The following RXRB variants were observed in gnomAD, a reference collection of about 807,000 sequenced individuals.
RXRB encodes retinoid X receptor beta.
RXRB carries 18 observed loss-of-function variants against 52.5 expected under a neutral mutation model. The ratio of observed to expected loss-of-function variants is 0.34; its 90% CI spans 0.24 to 0.51. The LOEUF (loss-of-function observed/expected upper bound fraction) is 0.51, where lower values mean the gene tolerates loss of function less well. Ranked by LOEUF, RXRB falls within the 20% of genes least tolerant of loss-of-function variation. The pLI, the probability that RXRB is intolerant of heterozygous loss-of-function variation, is 0.97. For missense variants in RXRB, 455 were observed against 698.2 expected (o/e 0.65, Z 3.92); for synonymous variants, 233 against 267.1 (o/e 0.87, Z 1.25).
chr6:33,200,319 ACCG>A lies in RXRB; in HGVS notation c.155_157del (p.Ala52del), dbSNP rs758231993. 5.4e-5 allele frequency: 86 copies of A among 1,586,410 alleles called. No homozygotes were observed. The highest frequency in any genetic ancestry group is 1.2e-4 in the Admixed American group (7 of 57,940). On this transcript the variant is annotated inframe_deletion, in exon 1 of 10. Transcript: ENST00000374680. This position sits in a 1 kb window ranked among gnomAD's most constrained non-coding sequence, Gnocchi z 6.3. ...CGGGGTTTGTTGTTCTCCGCCTGCC[ACCG>A]CCGCCGCCGCCGCCGCTGCGGGATC... is the stretch of plus-strand genomic sequence containing the variant.
rs759282711 is a variant in RXRB, at chr6:33,195,853, G to C, written c.1123+54C>G. 5 of 1,605,396 alleles carry C rather than the reference G, an allele frequency of 3.1e-6. No homozygotes were observed. Among genetic ancestry groups the C allele is most frequent in the Non-Finnish European group, 4.2e-6 (5 of 1,178,082 alleles). ...GGCCACTGGGGTCACTAAAGATCGG[G>C]AAGTCAAAGAGGGGTCAAATGTCAA... On this transcript the variant is annotated intron_variant, in intron 6 of 9. Coordinates refer to ENST00000374680, the MANE Select transcript of RXRB (RefSeq NM_021976.5). The surrounding 1 kb of genome is among the most constrained non-coding windows in gnomAD (Gnocchi z 8.6).
chr6:33,195,295 G>A lies in RXRB; in HGVS notation c.1348+68C>T. 5 of 997,020 alleles carry A rather than the reference G, an allele frequency of 5.0e-6. No homozygotes were observed. Among genetic ancestry groups the A allele is most frequent in the South Asian group, 2.6e-5 (2 of 78,262 alleles). 61.8% of individuals were successfully genotyped at this position (997,020 alleles called of 1,614,324 possible). The stretch of plus-strand genomic sequence containing the variant: ...TGAGGGGGATAGCTGGGTAACTTAG[G>A]AGTCTCGGAGAAGAGGAGGCTCCAA... On this transcript the variant is annotated intron_variant, in intron 8 of 9. Coordinates refer to ENST00000374680, the MANE Select transcript of RXRB (RefSeq NM_021976.5). The surrounding 1 kb of genome is among the most constrained non-coding windows in gnomAD (Gnocchi z 8.6).
chr6:33,198,210 T>A, intron 3 of RXRB, 98 bp downstream of exon 3: 1 of 1,550,388 alleles, frequency 6.4e-7, no homozygotes, highest in Non-Finnish European at 8.9e-7. Context: ...CTCCCCCAGG[T>A]CACTTGCTCT....
Position 33,198,357 on chromosome 6 carries a change from G to A in RXRB, c.591C>T (p.Gly197=). The change falls in exon 3 of 10, where the codon GGC becomes GGT. Residue 197 remains glycine, a synonymous_variant. Coordinates refer to ENST00000374680, the MANE Select transcript of RXRB (RefSeq NM_021976.5). ...RGLHCPPPPG[G]PGAGKRLCAI... is the part of the protein sequence containing the mutation. ...CACATAGCCGTTTGCCAGCCCCAGG[G>A]CCACCTGGAGGGGGTGGACAGTGCA... The A allele has an allele frequency of 6.2e-7, 1 of 1,613,058 alleles. No homozygotes were observed. The highest frequency in any genetic ancestry group is 1.7e-5 in the Admixed American group (1 of 60,030).
In RXRB at chr6:33,200,345, A is replaced by G. The variant is rs781605443; in HGVS notation, c.132T>C (p.Asp44=). 5.1e-6 allele frequency: 8 copies of G among 1,580,816 alleles called. No homozygotes were observed. Among genetic ancestry groups the G allele is most frequent in the Non-Finnish European group, 6.9e-6 (8 of 1,166,596 alleles). The change falls in exon 1 of 10, where the codon GAT becomes GAC. Residue 44 remains aspartate (D), a synonymous_variant. Transcript: ENST00000374680. The surrounding 1 kb of genome is among the most constrained non-coding windows in gnomAD (Gnocchi z 6.3). The stretch of plus-strand genomic sequence containing the variant: ...CCGCCGCCGCCGCCGCCGCTGCGGG[A>G]TCCAGCCAGGGCCGTCGCCGCCGCC... ...SRWRRRRPWL[D]PAAAAAAAVA...
intron 1 of RXRB, chr6:33,199,891 C>T (rs1426063148): frequency 6.1e-6 from 4 of 660,064 alleles, no homozygotes; most frequent in Admixed American, 3.6e-5. Context: ...CAGCGTAAAG[C>T]CAGGTAGCCA....
rs568576567 is a variant in RXRB at position 33,197,127 on chromosome 6, A to C, written c.821-521T>G. Reference sequence around the variant, plus strand: ...AAATCTTGTGCTCTTCTGACTCAACAAATAGGCAGTGAAAGGAGCACTGGC... The same window carrying C: ...AAATCTTGTGCTCTTCTGACTCAACCAATAGGCAGTGAAAGGAGCACTGGC... On this transcript the variant is annotated intron_variant, in intron 4 of 9. Transcript: ENST00000374680. The surrounding 1 kb of genome is among the most constrained non-coding windows in gnomAD (Gnocchi z 4.4). Among the ~76,000 whole-genome samples, 3 of 152,314 alleles carry C rather than the reference A, an allele frequency of 2.0e-5. No homozygotes were observed. The South Asian group carries it at 6.2e-4, about 32-fold the overall frequency.
chr6:33,199,135 G>A, intron 2 of RXRB, 34 bp downstream of exon 2: 2 of 1,285,052 alleles, frequency 1.6e-6, no homozygotes, highest in Non-Finnish European at 2.0e-6. Flanking sequence ...GAAAATGAAA[G>A]TGGCCAGGCA....
rs763535722 is a variant in RXRB, at chr6:33,198,454, G to A, written c.494C>T (p.Thr165Ile). The change falls in exon 3 of 10, where the codon ACA becomes ATA. Residue 165 changes from threonine to isoleucine, a missense_variant. This residue lies in a region of RXRB where 225 missense variants were observed against 258.6 expected (regional missense o/e 0.87). Coordinates refer to ENST00000374680, the MANE Select transcript of RXRB (RefSeq NM_021976.5). ...GPVSSPQINS[T>I]VSLPGGGSGP... ...AGACCCACCCCCAGGGAGTGACACT[G>A]TTGAGTTAATCTGGGATGGGGGAAA... 6.2e-7 allele frequency: 1 copy of A among 1,612,686 alleles called. No individual in the cohort carries two copies. The highest frequency in any genetic ancestry group is 8.5e-7 in the Non-Finnish European group (1 of 1,179,782).
chr6:33,200,344 G>A lies in RXRB; in HGVS notation c.133C>T (p.Pro45Ser). 6.3e-7 allele frequency: 1 copy of A among 1,580,918 alleles called. No homozygotes were observed. The highest frequency in any genetic ancestry group is 8.6e-7 in the Non-Finnish European group (1 of 1,166,518). Residue 45 changes from proline to serine, a missense_variant, in exon 1 of 10, where the codon CCC becomes TCC. Physicochemically the swap from Pro to Ser is moderately conservative, Grantham distance 74. This residue lies in a region of RXRB where 225 missense variants were observed against 258.6 expected (regional missense o/e 0.87). Coordinates refer to ENST00000374680, the MANE Select transcript of RXRB (RefSeq NM_021976.5). The surrounding 1 kb of genome is among the most constrained non-coding windows in gnomAD (Gnocchi z 6.3). The stretch of plus-strand genomic sequence containing the variant: ...ACCGCCGCCGCCGCCGCCGCTGCGG[G>A]ATCCAGCCAGGGCCGTCGCCGCCGC... ...RWRRRRPWLD[P>S]AAAAAAAVAG...
Position 33,198,297 on chromosome 6 carries a change from G to A in RXRB, c.640+11C>T, listed in dbSNP as rs773281216. The A allele has an allele frequency of 6.2e-7, 1 of 1,612,948 alleles. No individual in the cohort carries two copies. Among genetic ancestry groups the A allele is most frequent in the South Asian group, 1.1e-5 (1 of 91,088 alleles). ...GACTCTCCCTCTCTGTTCATCCTCTGAGCCACATACCTGAGCTTCTGTCCC... is the reference window on the plus strand; with the variant it reads ...GACTCTCCCTCTCTGTTCATCCTCTAAGCCACATACCTGAGCTTCTGTCCC... On this transcript the variant is annotated intron_variant, in intron 3 of 9. Transcript: ENST00000374680.
Position 33,200,080 on chromosome 6 carries a change from C to T in RXRB, c.235+162G>A. The T allele has an allele frequency of 1.8e-6, 2 of 1,083,164 alleles. No homozygotes were observed. The highest frequency in any genetic ancestry group is 2.8e-6 in the Non-Finnish European group (2 of 709,320). The allele number at this position is 1,083,164 out of a possible 1,614,324, so 67.1% of individuals were successfully genotyped here. ...GGGCGGAAGCTCCCCTTCCCCGCCC[C>T]GCCCCGGGGGGGAGGGTGCTAAGGC... On this transcript the variant is annotated intron_variant, in intron 1 of 9. Coordinates refer to ENST00000374680, the MANE Select transcript of RXRB (RefSeq NM_021976.5). This position sits in a 1 kb window ranked among gnomAD's most constrained non-coding sequence, Gnocchi z 6.3.
rs559052660 is a variant in RXRB, at chr6:33,195,850, C to G, written c.1123+57G>C. 4 of 1,604,922 alleles carry G rather than the reference C, an allele frequency of 2.5e-6. No individual in the cohort carries two copies. In the South Asian group the frequency reaches 4.4e-5, roughly 18 times the overall value. On this transcript the variant is annotated intron_variant, in intron 6 of 9. Transcript: ENST00000374680. The surrounding 1 kb of genome is among the most constrained non-coding windows in gnomAD (Gnocchi z 8.6). The stretch of plus-strand genomic sequence containing the variant: ...TAAGGCCACTGGGGTCACTAAAGAT[C>G]GGGAAGTCAAAGAGGGGTCAAATGT...
chr6:33,196,539 G>A lies in RXRB; in HGVS notation c.888C>T (p.Pro296=), dbSNP rs772822126. The part of the protein sequence containing the change: ...DGDGEGAGGA[P]EEMPVDRILE... ...GGATCCTGTCCACAGGCATCTCCTC[G>A]GGGGCTCCCCCAGCCCCCTCCCCAT... The change falls in exon 5 of 10, where the codon CCC becomes CCT. Residue 296 remains proline (P), a synonymous_variant. Coordinates refer to ENST00000374680, the MANE Select transcript of RXRB (RefSeq NM_021976.5). This position sits in a 1 kb window ranked among gnomAD's most constrained non-coding sequence, Gnocchi z 4.0. 21 of 1,612,786 alleles carry A rather than the reference G, an allele frequency of 1.3e-5. No individual in the cohort carries two copies. Among genetic ancestry groups the A allele is most frequent in the Middle Eastern group, 1.7e-4 (1 of 6,056 alleles).
chr6:33,195,225 G>C lies in RXRB; in HGVS notation c.1348+138C>G. 1.3e-6 allele frequency: 1 copy of C among 771,696 alleles called. No individual in the cohort carries two copies. Among genetic ancestry groups the C allele is most frequent in the Non-Finnish European group, 2.2e-6 (1 of 451,122 alleles). 47.8% of individuals were successfully genotyped at this position (771,696 alleles called of 1,614,324 possible). The stretch of plus-strand genomic sequence containing the variant: ...TTGTGGGATGGATCCGTGGATGTGG[G>C]TTTTTCCTCGGCCAGTTGGGAGATT... On this transcript the variant is annotated intron_variant, in intron 8 of 9. Coordinates refer to ENST00000374680, the MANE Select transcript of RXRB (RefSeq NM_021976.5). The surrounding 1 kb of genome is among the most constrained non-coding windows in gnomAD (Gnocchi z 8.6).
chr6:33,195,302 G>T lies in RXRB; in HGVS notation c.1348+61C>A. 1.9e-6 allele frequency: 2 copies of T among 1,067,524 alleles called. No individual in the cohort carries two copies. The highest frequency in any genetic ancestry group is 2.9e-6 in the Non-Finnish European group (2 of 682,944). 66.1% of individuals were successfully genotyped at this position (1,067,524 alleles called of 1,614,324 possible). On this transcript the variant is annotated intron_variant, in intron 8 of 9. Coordinates refer to ENST00000374680, the MANE Select transcript of RXRB (RefSeq NM_021976.5). The surrounding 1 kb of genome is among the most constrained non-coding windows in gnomAD (Gnocchi z 8.6). ...GATAGCTGGGTAACTTAGGAGTCTC[G>T]GAGAAGAGGAGGCTCCAAGGTTGCC...
chr6:33,195,176 C>T lies in RXRB; in HGVS notation c.1349-126G>A, dbSNP rs369137478. 5 of 813,482 alleles carry T rather than the reference C, an allele frequency of 6.1e-6. No individual in the cohort carries two copies. The South Asian group carries it at 7.6e-5, about 12-fold the overall frequency. The allele number at this position is 813,482 out of a possible 1,614,324, so 50.4% of individuals were successfully genotyped here. On this transcript the variant is annotated intron_variant, in intron 8 of 9. Transcript: ENST00000374680. The surrounding 1 kb of genome is among the most constrained non-coding windows in gnomAD (Gnocchi z 8.6). ...TGCTTGCCCTTTACCAGAGGCCTGG[C>T]AAGGGAAGCAGGGCCCACTGGGTTT...
Position 33,195,851 on chromosome 6 carries a change from G to C in RXRB, c.1123+56C>G, listed in dbSNP as rs776223666. ...AAGGCCACTGGGGTCACTAAAGATC[G>C]GGAAGTCAAAGAGGGGTCAAATGTC... On this transcript the variant is annotated intron_variant, in intron 6 of 9. Transcript: ENST00000374680. The surrounding 1 kb of genome is among the most constrained non-coding windows in gnomAD (Gnocchi z 8.6). 3 of 1,605,048 alleles carry C rather than the reference G, an allele frequency of 1.9e-6. No homozygotes were observed. Among genetic ancestry groups the C allele is most frequent in the Non-Finnish European group, 2.5e-6 (3 of 1,177,874 alleles).
At position 33,195,062 on chromosome 6, in the gene RXRB, G is replaced by A. The variant is rs1430960415; in HGVS notation, c.1349-12C>T. ...GAGGCCCTTGGCATCTGGGATGGCA[G>A]GGAAGAGAGGAGGAAGAGAAATGAA... is the stretch of plus-strand genomic sequence containing the variant. On this transcript the variant is annotated splice_polypyrimidine_tract_variant and intron_variant, in intron 8 of 9. Transcript: ENST00000374680. This position sits in a 1 kb window ranked among gnomAD's most constrained non-coding sequence, Gnocchi z 8.6. The A allele has an allele frequency of 1.3e-6, 2 of 1,563,260 alleles. No individual in the cohort carries two copies. Among genetic ancestry groups the A allele is most frequent in the Admixed American group, 1.7e-5 (1 of 59,918 alleles).
Sources: allele counts gnomAD v4.1 joint callset (sites outside exome capture counted in the v4.1 genomes callset), GRCh38; gene constraint gnomAD v4.1.1; regional missense constraint gnomAD v4.1.1; non-coding constraint Gnocchi (gnomAD v3.1); transcripts MANE v1.5; gene names NCBI Gene and HGNC (gene_info 2026-07-23, HGNC 2026-07-21).